Variants in THRA observed in about 807,000 individuals in gnomAD.
THRA encodes the protein EAR-7.
THRA carries 13 observed loss-of-function variants against 45.0 expected under a neutral mutation model. The observed-to-expected ratio is 0.29, with a 90% CI of 0.19 to 0.46. THRA has a LOEUF of 0.46. Ranked by LOEUF, THRA falls within the 20% of genes least tolerant of loss-of-function variation. The pLI is 1.00. For missense variants in THRA, 278 were observed against 556.1 expected (o/e 0.50, Z 5.03); for synonymous variants, 195 against 214.0 (o/e 0.91, Z 0.78).
intron 2 of THRA, among the ~76,000 whole-genome samples, chr17:40,076,414 T>C (rs765161016): frequency 1.4e-4 from 21 of 152,188 alleles, no homozygotes; most frequent in Non-Finnish European, 2.9e-4. Context: ...TTCACAGGTA[T>C]GTTGGCCCTG....
At chr17:40,076,784 G>T (rs1335864168) in intron 2 of THRA, 87 bp from the exon 3 acceptor site, 9 of 1,394,502 alleles carry the variant, frequency 6.5e-6, no homozygotes, top group Non-Finnish European at 7.1e-6. Context: ...AAAGAATCAG[G>T]CCTTGGGGGA....
intron 4 of THRA, among the ~76,000 whole-genome samples, chr17:40,078,784 T>C (rs911794010): frequency 7.1e-6 from 1 of 140,148 alleles, no homozygotes; most frequent in African/African-American, 2.7e-5. Flanking sequence ...CAGGTTGGAG[T>C]GCAATGGTGT....
rs1987631480 is a variant in THRA at position 40,092,788 on chromosome 17, C to G, written c.*3332C>G. The G allele has an allele frequency of 3.3e-6, 2 of 598,702 alleles. No homozygotes were observed. The highest frequency in any genetic ancestry group is 5.4e-6 in the Non-Finnish European group (2 of 368,464). The allele number at this position is 598,702 out of a possible 1,614,324, so 37.1% of individuals were successfully genotyped here. Reference sequence around the variant, plus strand: ...CCCAAACGAGCACACACCACAGAAGCCAGCTCAGCTGTGAACTATTGGATT... The same window carrying G: ...CCCAAACGAGCACACACCACAGAAGGCAGCTCAGCTGTGAACTATTGGATT... On this transcript the variant is annotated 3_prime_UTR_variant, in exon 9 of 9. Coordinates refer to ENST00000450525, the MANE Select transcript of THRA (RefSeq NM_199334.5).
chr17:40,087,142 C>T (rs1001110500), intron 7 of THRA: 13 of 398,354 alleles, frequency 3.3e-5, no homozygotes, highest in Non-Finnish European at 6.0e-5. Context: ...CACACACACA[C>T]CTAGTACACA....
intron 1 of THRA, among the ~76,000 whole-genome samples, chr17:40,071,767 G>A (rs1454093016): frequency 6.6e-6 from 1 of 152,212 alleles, no homozygotes; most frequent in African/African-American, 2.4e-5. Context: ...TTCTGTCCGT[G>A]GCTAACACAG....
At chr17:40,084,501 T>C (rs747884032) in intron 5 of THRA, 109 bp from the exon 6 acceptor site, 52 of 1,267,128 alleles carry the variant, frequency 4.1e-5, no homozygotes, top group Non-Finnish European at 5.6e-5. Context: ...TTAGCCTCCA[T>C]GGCCCTCGGT....
chr17:40,084,020 C>G, intron 5 of THRA, 38 bp downstream of exon 5: 1 of 1,570,624 alleles, frequency 6.4e-7, no homozygotes, highest in Non-Finnish European at 8.6e-7. Context: ...GCCAGGTGGC[C>G]TGGGGTGGGG....
Position 40,089,271 on chromosome 17 carries a change from G to A in THRA, c.1048G>A (p.Glu350Lys). ...TCAGGAGGCGTACCTGCTGGCGTTC[G>A]AGCACTACGTCAACCACCGCAAACA... Reference protein sequence around the residue: ...KSQEAYLLAFEHYVNHRKHNI... With the variant: ...KSQEAYLLAFKHYVNHRKHNI... Residue 350 changes from glutamate to lysine, a missense_variant, in exon 9 of 9, where the codon GAG becomes AAG. Physicochemically the swap from Glu to Lys is moderately conservative, Grantham distance 56. This residue lies in a region of THRA where 66 missense variants were observed against 94.7 expected (regional missense o/e 0.70). Transcript: ENST00000450525. This position sits in a 1 kb window ranked among gnomAD's most constrained non-coding sequence, Gnocchi z 6.1. 1 of 1,613,902 alleles carries A rather than the reference G, an allele frequency of 6.2e-7. No individual in the cohort carries two copies. The highest frequency in any genetic ancestry group is 8.5e-7 in the Non-Finnish European group (1 of 1,179,982).
At chr17:40,072,796 C>T (rs946888449) in intron 1 of THRA, among the ~76,000 whole-genome samples, 7 of 152,054 alleles carry the variant, frequency 4.6e-5, no homozygotes, top group East Asian at 1.9e-4. Flanking sequence ...GGGCTGGCTA[C>T]GCCATTATAA....
Position 40,086,838 on chromosome 17 carries a change from G to C in THRA, c.708G>C (p.Leu236=), listed in dbSNP as rs1274763666. 6.2e-7 allele frequency: 1 copy of C among 1,614,070 alleles called. No homozygotes were observed. Among genetic ancestry groups the C allele is most frequent in the South Asian group, 1.1e-5 (1 of 91,082 alleles). ...GTGTGGTGGACTTTGCCAAAAAACT[G>C]CCCATGTTCTCCGAGGTGAGTGGCA... ...ITRVVDFAKK[L]PMFSELPCED... Residue 236 remains leucine (L), a synonymous_variant, in exon 7 of 9, where the codon CTG becomes CTC. Coordinates refer to ENST00000450525, the MANE Select transcript of THRA (RefSeq NM_199334.5).
chr17:40,081,002 G>C (rs925235942), intron 4 of THRA, among the ~76,000 whole-genome samples: 1 of 152,040 alleles, frequency 6.6e-6, no homozygotes, highest in East Asian at 1.9e-4. Context: ...GATTACAGGC[G>C]TGAGCCACCG....
At chr17:40,074,905 C>A (rs1175102128) in intron 2 of THRA, among the ~76,000 whole-genome samples, 1 of 152,242 alleles carries the variant, frequency 6.6e-6, no homozygotes, top group African/African-American at 2.4e-5. Flanking sequence ...TCCCTACCAG[C>A]CCATTTACTA....
At chr17:40,066,679 A>G (rs1009093248) in intron 1 of THRA, among the ~76,000 whole-genome samples, 10 of 76,004 alleles carry the variant, frequency 1.3e-4, no homozygotes, top group East Asian at 6.5e-4. Context: ...AAAAAAAAAA[A>G]AAAAAGAAAA....
rs142164647 is a variant in THRA at position 40,082,830 on chromosome 17, G to C, written c.223-1005G>C. On this transcript the variant is annotated intron_variant, in intron 4 of 8. Coordinates refer to ENST00000450525, the MANE Select transcript of THRA (RefSeq NM_199334.5). The stretch of plus-strand genomic sequence containing the variant: ...CACCCAGGCTGGAATGCAGTGGCGC[G>C]ATCTTGGCTCACTGCAACCTCTGTG... 2.3e-3 allele frequency among the ~76,000 whole-genome samples: 317 copies of C among 137,724 alleles called. 10 individuals carry two copies. The East Asian group carries it at 0.06, about 26-fold the overall frequency. 90.4% of individuals were successfully genotyped at this position (137,724 alleles called of 152,430 possible).
intron 1 of THRA, among the ~76,000 whole-genome samples, chr17:40,066,680 AAAAAG>A (rs1567647102): frequency 1.3e-5 from 1 of 75,606 alleles, no homozygotes; most frequent in Non-Finnish European, 2.5e-5. Context: ...AAAAAAAAAA[AAAAAG>A]AAAAACAAAA....
Position 40,092,752 on chromosome 17 carries a change from C to G in THRA, c.*3296C>G. 2.4e-5 allele frequency: 6 copies of G among 249,496 alleles called. No homozygotes were observed. The highest frequency in any genetic ancestry group is 9.3e-5 in the East Asian group (1 of 10,758). The allele number at this position is 249,496 out of a possible 1,614,324, so 15.5% of individuals were successfully genotyped here. A position where few individuals can be genotyped will look rare whatever the true frequency, so the allele number is the denominator to read the frequency against. ...GCCCCCCCCAGCCTTGGCAGTATTT[C>G]CACCCCACCCCCCAAACGAGCACAC... On this transcript the variant is annotated 3_prime_UTR_variant, in exon 9 of 9. Coordinates refer to ENST00000450525, the MANE Select transcript of THRA (RefSeq NM_199334.5).
rs1567656109 is a variant in THRA, at chr17:40,089,188, G to A, written c.983-18G>A. On this transcript the variant is annotated intron_variant, in intron 8 of 8. Transcript: ENST00000450525. The surrounding 1 kb of genome is among the most constrained non-coding windows in gnomAD (Gnocchi z 6.1). ...CTTCGGCCAGCCCCTCGCCCCTCAC[G>A]CCCCTCTTCCCTCACAGACCGCTCG... is the stretch of plus-strand genomic sequence containing the variant. The A allele has an allele frequency of 6.8e-6, 11 of 1,606,038 alleles. No individual in the cohort carries two copies. Among genetic ancestry groups the A allele is most frequent in the Admixed American group, 3.4e-5 (2 of 59,680 alleles).
intron 1 of THRA, among the ~76,000 whole-genome samples, chr17:40,066,114 G>A (rs1986553084): frequency 6.6e-6 from 1 of 152,188 alleles, no homozygotes; most frequent in Non-Finnish European, 1.5e-5. Flanking sequence ...CCTAGACTAA[G>A]TATGTACTAA....
intron 5 of THRA, 133 bp downstream of exon 5, chr17:40,084,115 C>T: frequency 8.9e-7 from 1 of 1,125,264 alleles, no homozygotes; most frequent in African/African-American, 1.6e-5. Context: ...TCAGAATGTT[C>T]AGTGTCTTGG....
Sources: allele counts gnomAD v4.1 joint callset (sites outside exome capture counted in the v4.1 genomes callset), GRCh38; gene constraint gnomAD v4.1.1; regional missense constraint gnomAD v4.1.1; non-coding constraint Gnocchi (gnomAD v3.1); transcripts MANE v1.5; gene names NCBI Gene and HGNC (gene_info 2026-07-23, HGNC 2026-07-21).